The following ESRRG variants were observed in gnomAD, a reference collection of about 807,000 sequenced individuals.
The protein encoded by ESRRG is estrogen-related receptor gamma.
ESRRG carries 13 observed loss-of-function variants against 44.0 expected under a neutral mutation model. The observed-to-expected ratio is 0.30, with a 90% confidence interval of 0.19 to 0.47. The LOEUF is 0.47. ESRRG is among the 20% of genes least tolerant of loss of function. The pLI, the probability that ESRRG is intolerant of heterozygous loss-of-function variation, is 1.00. For missense variants in ESRRG, 395 were observed against 580.6 expected (o/e 0.68, Z 3.29); for synonymous variants, 215 against 214.6 (o/e 1.00, Z -0.02).
At chr1:217,096,832 C>T (rs2092431873) in intron 1 of ESRRG, among the ~76,000 whole-genome samples, 1 of 152,054 alleles carries the variant, frequency 6.6e-6, no homozygotes, top group African/African-American at 2.4e-5. Context: ...ATTCCTAGTG[C>T]CTAGCACACA....
At chr1:217,101,071 G>C (rs2092504445) in intron 1 of ESRRG, among the ~76,000 whole-genome samples, 1 of 152,228 alleles carries the variant, frequency 6.6e-6, no homozygotes, top group Admixed American at 6.5e-5. Flanking sequence ...AGCAAAAAGT[G>C]TTGACGGTTA....
At chr1:216,849,937 T>C (rs2095816351) in intron 2 of ESRRG, among the ~76,000 whole-genome samples, 1 of 152,142 alleles carries the variant, frequency 6.6e-6, no homozygotes, top group African/African-American at 2.4e-5. Context: ...TTATGAACTC[T>C]CTTGTTTTAG....
chr1:216,978,267 T>G (rs188789366), intron 1 of ESRRG, among the ~76,000 whole-genome samples: 2 of 152,316 alleles, frequency 1.3e-5, no homozygotes, highest in Admixed American at 6.5e-5. Flanking sequence ...GCCATACTCA[T>G]TCATTTCCAT....
chr1:216,824,403 G>A (rs2095355698), intron 2 of ESRRG, among the ~76,000 whole-genome samples: 1 of 152,042 alleles, frequency 6.6e-6, no homozygotes, highest in Non-Finnish European at 1.5e-5. Context: ...TGGAGATCGT[G>A]TCACTTCACT....
intron 1 of ESRRG, among the ~76,000 whole-genome samples, chr1:216,971,183 C>T (rs1560310014): frequency 6.6e-6 from 1 of 152,114 alleles, no homozygotes; most frequent in Non-Finnish European, 1.5e-5. Context: ...TATGTTCTCT[C>T]CTTACAACAG....
chr1:216,812,870 G>T (rs140494642), intron 2 of ESRRG, among the ~76,000 whole-genome samples: 2 of 152,226 alleles, frequency 1.3e-5, no homozygotes, highest in East Asian at 3.9e-4. Context: ...TGAATTTAGG[G>T]TCTATTTTCT....
At chr1:217,136,854 G>T (rs1226364882) in intron 1 of ESRRG, among the ~76,000 whole-genome samples, 2 of 152,130 alleles carry the variant, frequency 1.3e-5, no homozygotes, top group Non-Finnish European at 2.9e-5. Context: ...CCTGAATGTC[G>T]CACAGAAACC....
intron 3 of ESRRG, among the ~76,000 whole-genome samples, chr1:216,592,960 G>A (rs1248346480): frequency 6.6e-6 from 1 of 152,172 alleles, no homozygotes; most frequent in Non-Finnish European, 1.5e-5. Context: ...TAAAAATGAG[G>A]AAGGTGAGGC....
At chr1:216,526,479 G>A (rs2047692664) in intron 5 of ESRRG, among the ~76,000 whole-genome samples, 1 of 152,124 alleles carries the variant, frequency 6.6e-6, no homozygotes, top group Admixed American at 6.5e-5. Context: ...GGAGAGACAG[G>A]AGAGAAGCAT....
intron 1 of ESRRG, among the ~76,000 whole-genome samples, chr1:217,012,516 G>A (rs1035635396): frequency 3.9e-5 from 6 of 152,050 alleles, no homozygotes; most frequent in African/African-American, 1.2e-4. Context: ...CCCTTGTTTC[G>A]AGTTACTGAT....
chr1:216,639,506 T>C (rs879375588), intron 3 of ESRRG, among the ~76,000 whole-genome samples: 5 of 152,122 alleles, frequency 3.3e-5, no homozygotes, highest in African/African-American at 9.7e-5. Flanking sequence ...TGGCTTGAAC[T>C]GAGACACAAA....
rs2063592943 is a variant in ESRRG at position 216,628,661 on chromosome 1, C to T, written c.589+22312G>A. Among the ~76,000 whole-genome samples, 3 of 152,160 alleles carry T rather than the reference C, an allele frequency of 2.0e-5. No individual in the cohort carries two copies. In the South Asian group the frequency reaches 6.2e-4, roughly 32 times the overall value. ...AGTCTAGGCATACCCTACCCTGATG[C>T]CAACACCATTGGCTCATTCATTCAT... On this transcript the variant is annotated intron_variant, in intron 3 of 6. Coordinates refer to ENST00000408911, the MANE Select transcript of ESRRG (RefSeq NM_001438.4).
intron 3 of ESRRG, among the ~76,000 whole-genome samples, chr1:216,597,155 A>G (rs748373988): frequency 2.8e-4 from 43 of 152,174 alleles, no homozygotes; most frequent in Non-Finnish European, 1.0e-4. Context: ...TAGTCACCCA[A>G]TTCCATTTAT....
intron 2 of ESRRG, among the ~76,000 whole-genome samples, chr1:216,933,467 G>T (rs1217700248): frequency 6.6e-6 from 1 of 152,040 alleles, no homozygotes; most frequent in African/African-American, 2.4e-5. Flanking sequence ...AAAATTTGGG[G>T]CACTGTCAAT....
At chr1:217,042,473 AACACACACACACACACACACACAC>A (rs140559927) in intron 1 of ESRRG, among the ~76,000 whole-genome samples, 1 of 138,972 alleles carries the variant, frequency 7.2e-6, no homozygotes, top group Non-Finnish European at 1.6e-5. Flanking sequence ...TACACACACA[AACACACACACACACACACACACAC>A]ACACACACAC....
At chr1:216,565,239 G>A (rs1216012128) in intron 4 of ESRRG, among the ~76,000 whole-genome samples, 1 of 152,162 alleles carries the variant, frequency 6.6e-6, no homozygotes, top group Non-Finnish European at 1.5e-5. Flanking sequence ...GCATGTGAGG[G>A]TTTATGGAAG....
intron 1 of ESRRG, among the ~76,000 whole-genome samples, chr1:217,039,559 A>G (rs1185268820): frequency 2.6e-5 from 4 of 152,264 alleles, no homozygotes; most frequent in Middle Eastern, 3.4e-3. Context: ...TCACTATCAC[A>G]AGAACAGCAA....
At chr1:216,732,115 AAAG>A (rs2088918086) in intron 2 of ESRRG, among the ~76,000 whole-genome samples, 1 of 112,072 alleles carries the variant, frequency 8.9e-6, no homozygotes, top group Non-Finnish European at 2.0e-5. Flanking sequence ...AAAAATAAAA[AAAG>A]AAAATAAAAA....
chr1:217,086,233 A>G (rs1318573780), intron 1 of ESRRG, among the ~76,000 whole-genome samples: 1 of 152,182 alleles, frequency 6.6e-6, no homozygotes, highest in Non-Finnish European at 1.5e-5. Flanking sequence ...AAATGGATAT[A>G]TAGTATTTCC....
Sources: gnomAD v4.1 joint callset for allele counts (sites outside exome capture counted in the v4.1 genomes callset) on GRCh38, gnomAD v4.1.1 for gene constraint, MANE v1.5 for transcripts, NCBI Gene and HGNC (gene_info 2026-07-23, HGNC 2026-07-21) for gene names.